PPP1R9A: variants seen among roughly 807,000 people sequenced by gnomAD.
The protein encoded by PPP1R9A is protein phosphatase 1 regulatory subunit 9A, also known as neurabin-1.
Under a neutral mutation model 141.9 loss-of-function variants are expected in PPP1R9A, and 59 were observed. That is an observed-to-expected ratio of 0.42 (90% confidence interval 0.34 to 0.52). The LOEUF is 0.52. Among genes scored for constraint, PPP1R9A ranks in the 20% least tolerant of loss-of-function variants. The probability of loss-of-function intolerance (pLI) is 0.10; values close to 1 mark genes in which losing one functional copy is unlikely to be tolerated. For missense variants in PPP1R9A, 1,444 were observed against 1,611.9 expected (o/e 0.90, Z 1.78); for synonymous variants, 500 against 569.7 (o/e 0.88, Z 1.74).
At position 95,161,873 on chromosome 7, in the gene PPP1R9A, A is replaced by T. The variant is rs960398757; in HGVS notation, c.1656A>T (p.Gln552His). Residue 552 changes from glutamine (Q) to histidine (H), a missense_variant, in exon 5 of 20, where the codon CAA becomes CAT. Gln to His is a conservative substitution (Grantham distance 24, BLOSUM62 0). Transcript: ENST00000433360. ...GGAAQRDGRI[Q>H]VNDQIVEVDG... Reference sequence around the variant, plus strand: ...TTTTTTCCTCTTTCTAAAGAATACAAGTCAATGACCAGATTGTGGAAGTGG... The same window carrying T: ...TTTTTTCCTCTTTCTAAAGAATACATGTCAATGACCAGATTGTGGAAGTGG... 6.2e-7 allele frequency: 1 copy of T among 1,604,958 alleles called. No individual in the cohort carries two copies. Among genetic ancestry groups the T allele is most frequent in the Admixed American group, 1.7e-5 (1 of 58,856 alleles).
intron 4 of PPP1R9A, among the ~76,000 whole-genome samples, chr7:95,150,090 C>T (rs1022459677): frequency 1.4e-5 from 2 of 142,070 alleles, no homozygotes; most frequent in African/African-American, 5.3e-5. Context: ...GGAGCAAAAG[C>T]AATACATTAG....
intron 4 of PPP1R9A, among the ~76,000 whole-genome samples, chr7:95,134,593 G>A (rs953604617): frequency 6.6e-6 from 1 of 151,952 alleles, no homozygotes; most frequent in African/African-American, 2.4e-5. Context: ...GTACCACTAC[G>A]CCCAGCTAGT....
At chr7:95,261,483 C>T (rs1800417819) in intron 12 of PPP1R9A, among the ~76,000 whole-genome samples, 1 of 151,142 alleles carries the variant, frequency 6.6e-6, no homozygotes, top group Non-Finnish European at 1.5e-5. Flanking sequence ...ATAGGTATAC[C>T]AAAAAACACT....
intron 2 of PPP1R9A, among the ~76,000 whole-genome samples, chr7:94,997,962 G>T (rs1484490162): frequency 6.6e-6 from 1 of 152,024 alleles, no homozygotes; most frequent in East Asian, 1.9e-4. Context: ...GCTGCCTGTT[G>T]TCTCAATGTT....
At chr7:95,129,554 C>T (rs1281499350) in intron 4 of PPP1R9A, among the ~76,000 whole-genome samples, 1 of 152,106 alleles carries the variant, frequency 6.6e-6, no homozygotes, top group Non-Finnish European at 1.5e-5. Flanking sequence ...TGAAAAGACA[C>T]CTGAAAATGT....
At chr7:95,005,283 A>G (rs989667118) in intron 2 of PPP1R9A, among the ~76,000 whole-genome samples, 2 of 152,194 alleles carry the variant, frequency 1.3e-5, no homozygotes, top group Non-Finnish European at 1.5e-5. Flanking sequence ...AAATATGGTA[A>G]CAATTTATTG....
intron 2 of PPP1R9A, among the ~76,000 whole-genome samples, chr7:95,011,122 A>G (rs531870870): frequency 7.9e-4 from 121 of 152,330 alleles, no homozygotes; most frequent in Non-Finnish European, 8.4e-4. Context: ...ATTACATCCA[A>G]AATACCTCAT....
intron 2 of PPP1R9A, among the ~76,000 whole-genome samples, chr7:95,107,085 A>T (rs1819638874): frequency 6.6e-6 from 1 of 151,862 alleles, no homozygotes; most frequent in South Asian, 2.1e-4. Flanking sequence ...TCCTGCCTGG[A>T]TGTGGTAGTC....
intron 2 of PPP1R9A, among the ~76,000 whole-genome samples, chr7:94,921,681 C>G (rs1792864095): frequency 6.6e-6 from 1 of 151,886 alleles, no homozygotes; most frequent in Non-Finnish European, 1.5e-5. Flanking sequence ...TGAATGACAC[C>G]TTATCTACCA....
At chr7:95,018,770 G>A (rs958310836) in intron 2 of PPP1R9A, among the ~76,000 whole-genome samples, 1 of 152,092 alleles carries the variant, frequency 6.6e-6, no homozygotes, top group Admixed American at 6.6e-5. Context: ...GGTTAAGGAG[G>A]ACCAATGCAA....
At chr7:95,160,773 G>A (rs948959196) in intron 4 of PPP1R9A, among the ~76,000 whole-genome samples, 6 of 152,042 alleles carry the variant, frequency 3.9e-5, no homozygotes, top group Non-Finnish European at 8.8e-5. Context: ...GAGAATGTGC[G>A]GTATTTGATT....
chr7:95,136,272 CTT>C (rs1312474956), intron 4 of PPP1R9A, among the ~76,000 whole-genome samples: 1 of 152,094 alleles, frequency 6.6e-6, no homozygotes, highest in Middle Eastern at 3.2e-3. Flanking sequence ...AACATAATAA[CTT>C]TTATAAAGCA....
intron 8 of PPP1R9A, among the ~76,000 whole-genome samples, chr7:95,242,738 A>G (rs543265347): frequency 6.6e-6 from 1 of 152,244 alleles, no homozygotes; most frequent in South Asian, 2.1e-4. Flanking sequence ...GAAGAGATGA[A>G]AATGATGGTC....
intron 5 of PPP1R9A, among the ~76,000 whole-genome samples, chr7:95,164,398 C>T (rs1830878726): frequency 6.6e-6 from 1 of 150,790 alleles, no homozygotes; most frequent in Non-Finnish European, 1.5e-5. Flanking sequence ...CTTTTTTTAC[C>T]TCTTTTGGAT....
chr7:94,910,286 A>G lies in PPP1R9A; in HGVS notation c.173A>G (p.Lys58Arg), dbSNP rs752116095. 3 of 1,614,132 alleles carry G rather than the reference A, an allele frequency of 1.9e-6. No homozygotes were observed. Among genetic ancestry groups the G allele is most frequent in the Non-Finnish European group, 1.7e-6 (2 of 1,180,026 alleles). The change falls in exon 2 of 20, where the codon AAA (lysine) becomes AGA (arginine). Residue 58 changes from lysine (K) to arginine (R), a missense_variant. By Grantham distance (26) the Lys-to-Arg change is conservative. Around this residue, in one of 5 missense-constraint regions of PPP1R9A, gnomAD observed 490 missense variants for 521.1 expected, o/e 0.94. Coordinates refer to ENST00000433360, the MANE Select transcript of PPP1R9A (RefSeq NM_001166160.2). This position sits in a 1 kb window ranked among gnomAD's most constrained non-coding sequence, Gnocchi z 4.5. ...GGCTCCCAGCAGAGCAGGGGGAGGAAATATGGCTCCAATGTCAACAGAATT... is the reference window on the plus strand; with the variant it reads ...GGCTCCCAGCAGAGCAGGGGGAGGAGATATGGCTCCAATGTCAACAGAATT... ...GEGSQQSRGR[K>R]YGSNVNRIKN...
At chr7:95,010,680 T>C (rs1804292588) in intron 2 of PPP1R9A, among the ~76,000 whole-genome samples, 1 of 152,062 alleles carries the variant, frequency 6.6e-6, no homozygotes, top group Non-Finnish European at 1.5e-5. Flanking sequence ...TTCAGGCAGT[T>C]TTTTTCCTTT....
At chr7:95,123,714 A>G (rs1202157536) in intron 4 of PPP1R9A, among the ~76,000 whole-genome samples, 1 of 152,142 alleles carries the variant, frequency 6.6e-6, no homozygotes. Context: ...AAATGTAACT[A>G]GGAGCCTTCA....
chr7:94,954,556 T>G (rs1009250368), intron 2 of PPP1R9A, among the ~76,000 whole-genome samples: 23 of 151,928 alleles, frequency 1.5e-4, no homozygotes, highest in African/African-American at 5.6e-4. Flanking sequence ...TAAGAATGTC[T>G]TATGAACAGC....
In PPP1R9A at chr7:95,284,257, C is replaced by A. The variant is rs1563561431; in HGVS notation, c.3536C>A (p.Pro1179Gln). 1.3e-6 allele frequency: 2 copies of A among 1,572,708 alleles called. No individual in the cohort carries two copies. Among genetic ancestry groups the A allele is most frequent in the Non-Finnish European group, 8.6e-7 (1 of 1,156,194 alleles). The change falls in exon 17 of 20, where the codon CCA becomes CAA. Residue 1179 changes from proline to glutamine, a missense_variant. Coordinates refer to ENST00000433360, the MANE Select transcript of PPP1R9A (RefSeq NM_001166160.2). ...TWITKANKRN[P>Q]NPSSSSIFGR... ...ATTACAAAAGCAAACAAGAGAAACC[C>A]AAATCCCTCCTCTTCTTCAATCTTT...
Sources: allele counts gnomAD v4.1 joint callset (sites outside exome capture counted in the v4.1 genomes callset), GRCh38; gene constraint gnomAD v4.1.1; regional missense constraint gnomAD v4.1.1; non-coding constraint Gnocchi (gnomAD v3.1); transcripts MANE v1.5; gene names NCBI Gene and HGNC (gene_info 2026-07-23, HGNC 2026-07-21).